SMAP2: variants seen among roughly 807,000 people sequenced by gnomAD.
SMAP2 encodes the protein stromal membrane-associated protein 2.
A neutral mutation model predicts 56.4 loss-of-function variants in SMAP2; 25 were observed. The ratio of observed to expected loss-of-function variants is 0.44; its 90% CI spans 0.32 to 0.62. The LOEUF (loss-of-function observed/expected upper bound fraction) is 0.62, where lower values mean the gene tolerates loss of function less well. Among genes scored for constraint, SMAP2 ranks in the 20% least tolerant of loss-of-function variants. The probability of loss-of-function intolerance (pLI) is 0.04; values close to 1 mark genes in which losing one functional copy is unlikely to be tolerated. For missense variants in SMAP2, 388 were observed against 545.6 expected (o/e 0.71, Z 2.88); for synonymous variants, 157 against 181.7 (o/e 0.86, Z 1.09).
At chr1:40,356,686 A>AG (rs1428601489) in intron 1 of SMAP2, among the ~76,000 whole-genome samples, 1 of 152,142 alleles carries the variant, frequency 6.6e-6, no homozygotes, top group Admixed American at 6.5e-5. Flanking sequence ...CTGGGATTAC[A>AG]GGCGTGAGCC....
intron 1 of SMAP2, among the ~76,000 whole-genome samples, chr1:40,406,477 T>C (rs904746694): frequency 6.6e-6 from 1 of 152,228 alleles, no homozygotes; most frequent in Non-Finnish European, 1.5e-5. Flanking sequence ...TCTTTTGGAC[T>C]AATGAAAATG....
In SMAP2 at chr1:40,423,108, C is replaced by G. The variant is rs538829695; in HGVS notation, c.*1007C>G. On this transcript the variant is annotated 3_prime_UTR_variant, in exon 10 of 10. Coordinates refer to ENST00000372718, the MANE Select transcript of SMAP2 (RefSeq NM_022733.3). ...CCCTTCTCCCGGTCTGCTGATCACT[C>G]TTTCATGCCTGTGTATCCAGGGTGC... 1 of 152,824 alleles carries G rather than the reference C, an allele frequency of 6.5e-6. No individual in the cohort carries two copies. The highest frequency in any genetic ancestry group is 2.1e-4 in the South Asian group (1 of 4,836). 9.5% of individuals were successfully genotyped at this position (152,824 alleles called of 1,614,324 possible).
intron 1 of SMAP2, among the ~76,000 whole-genome samples, chr1:40,345,935 A>ATTATATTATATTATATT (rs1553187233): frequency 2.8e-5 from 4 of 143,440 alleles, no homozygotes; most frequent in African/African-American, 7.6e-5. Flanking sequence ...ATTATATTAG[A>ATTATATTATATTATATT]AAGTAGTCTT....
intron 5 of SMAP2, 101 bp from the exon 6 acceptor site, chr1:40,414,058 C>T (rs562684256): frequency 2.0e-6 from 2 of 979,800 alleles, no homozygotes; most frequent in South Asian, 1.4e-5. Flanking sequence ...CTTTGAATAA[C>T]AGCAGCCCTA....
At chr1:40,409,202 A>G (rs1026110312) in intron 3 of SMAP2, among the ~76,000 whole-genome samples, 1 of 152,248 alleles carries the variant, frequency 6.6e-6, no homozygotes, top group South Asian at 2.1e-4. Flanking sequence ...TCAACAGAGC[A>G]TAGCACCTAG....
chr1:40,351,249 G>C (rs1372576276), intron 1 of SMAP2, among the ~76,000 whole-genome samples: 18 of 152,122 alleles, frequency 1.2e-4, no homozygotes, highest in African/African-American at 4.1e-4. Flanking sequence ...GAGAGAGGAG[G>C]GACTCTGTGG....
At chr1:40,407,199 T>C (rs1387316326) in intron 2 of SMAP2, among the ~76,000 whole-genome samples, 2 of 152,210 alleles carry the variant, frequency 1.3e-5, no homozygotes, top group African/African-American at 4.8e-5. Flanking sequence ...AAATATTCAC[T>C]TTTGGTCGGG....
At chr1:40,372,093 T>A (rs1298310369), upstream of SMAP2, among the ~76,000 whole-genome samples, 1 of 152,228 alleles carries the variant, frequency 6.6e-6, no homozygotes, top group Non-Finnish European at 1.5e-5. Flanking sequence ...AAGGATTTTT[T>A]AAGCAGGAAG....
At chr1:40,381,661 TG>T (rs991863560) in intron 1 of SMAP2, among the ~76,000 whole-genome samples, 2 of 152,114 alleles carry the variant, frequency 1.3e-5, no homozygotes, top group Admixed American at 6.6e-5. Context: ...CTGAGCTCTG[TG>T]GTTGACTTGC....
rs209605 is a variant in SMAP2 at position 40,414,136 on chromosome 1, G to T, written c.490-23G>T. 0.87 allele frequency: 1,397,426 copies of T among 1,611,544 alleles called. 607,157 individuals carry two copies. The highest frequency in any genetic ancestry group is 0.96 in the African/African-American group (72,049 of 74,930). On this transcript the variant is annotated intron_variant, in intron 5 of 9. Coordinates refer to ENST00000372718, the MANE Select transcript of SMAP2 (RefSeq NM_022733.3). ...GTTCAAAACCACCTGCTTATTTCTT[G>T]CTATAACATATTTTCACCTTAGCCA...
chr1:40,360,004 C>CTTTTTT lies in SMAP2; in HGVS notation c.-82-2281_-82-2276dup, dbSNP rs775408458. ...ACAGACTTTTTTCTTCTTCTTCTTT[C>CTTTTTT]TTTTTTTTTTTTTTTTTTTTGAGAT... is the stretch of plus-strand genomic sequence containing the variant. On this transcript the variant is annotated intron_variant, in intron 1 of 6. Coordinates refer to the SMAP2 transcript ENST00000435168. 6.3e-3 allele frequency among the ~76,000 whole-genome samples: 642 copies of CTTTTTT among 102,420 alleles called. 3 individuals are homozygous for CTTTTTT. The highest frequency in any genetic ancestry group is 0.012 in the East Asian group (38 of 3,260). The allele number at this position is 102,420 out of a possible 152,430, so 67.2% of individuals were successfully genotyped here. A position where few individuals can be genotyped will look rare whatever the true frequency, so the allele number is the denominator to read the frequency against.
In SMAP2 at chr1:40,422,295, C is replaced by T; in HGVS notation, c.*194C>T. On this transcript the variant is annotated 3_prime_UTR_variant, in exon 10 of 10. Transcript: ENST00000372718. Reference sequence around the variant, plus strand: ...GACCTCTCTGTTGCTTTATGTTGTACATGCCCCATAGCCATCCCAACGTCC... The same window carrying T: ...GACCTCTCTGTTGCTTTATGTTGTATATGCCCCATAGCCATCCCAACGTCC... The T allele has an allele frequency of 1.5e-6, 1 of 675,014 alleles. No homozygotes were observed. The highest frequency in any genetic ancestry group is 2.4e-6 in the Non-Finnish European group (1 of 412,806). 41.8% of individuals were successfully genotyped at this position (675,014 alleles called of 1,614,324 possible).
intron 1 of SMAP2, among the ~76,000 whole-genome samples, chr1:40,351,342 G>A (rs1569813734): frequency 6.6e-6 from 1 of 152,144 alleles, no homozygotes; most frequent in African/African-American, 2.4e-5. Context: ...CACAAGAAAC[G>A]CTGTGGACAA....
intron 1 of SMAP2, among the ~76,000 whole-genome samples, chr1:40,383,294 G>A (rs765321283): frequency 4.6e-5 from 7 of 152,166 alleles, no homozygotes; most frequent in Non-Finnish European, 1.0e-4. Context: ...CCGAGTGAGA[G>A]AGCGTATTAC....
At chr1:40,382,528 C>A (rs996819467) in intron 1 of SMAP2, among the ~76,000 whole-genome samples, 2 of 152,154 alleles carry the variant, frequency 1.3e-5, no homozygotes, top group African/African-American at 4.8e-5. Flanking sequence ...CACAGTTGTA[C>A]TCCTGTTTGA....
At chr1:40,350,692 G>C (rs1332542323) in intron 1 of SMAP2, among the ~76,000 whole-genome samples, 2 of 152,140 alleles carry the variant, frequency 1.3e-5, no homozygotes, top group Non-Finnish European at 2.9e-5. Flanking sequence ...CCTAGCAAGG[G>C]CCTCTTGTGT....
chr1:40,421,933 A>G (rs1422745567), intron 9 of SMAP2, 43 bp from the exon 10 acceptor site: 5 of 1,613,084 alleles, frequency 3.1e-6, no homozygotes, highest in Non-Finnish European at 3.4e-6. Context: ...TAATTGGCGG[A>G]ATGCCCACAG....
chr1:40,357,186 TG>T (rs142251754), intron 1 of SMAP2, among the ~76,000 whole-genome samples: 2,633 of 152,298 alleles, frequency 0.017, 72 homozygotes, highest in African/African-American at 0.06. Context: ...TGTCCATTTT[TG>T]CTTTGGTTTC....
At chr1:40,364,460 G>A (rs1403265613) in intron 2 of SMAP2, among the ~76,000 whole-genome samples, 1 of 151,966 alleles carries the variant, frequency 6.6e-6, no homozygotes, top group Admixed American at 6.6e-5. Context: ...AAAATAAGAT[G>A]GGCCAGGCAC....
Sources: allele counts gnomAD v4.1 joint callset (sites outside exome capture counted in the v4.1 genomes callset), GRCh38; gene constraint gnomAD v4.1.1; transcripts MANE v1.5; gene names NCBI Gene and HGNC (gene_info 2026-07-23, HGNC 2026-07-21).